POLR2B: variants seen among roughly 807,000 people sequenced by gnomAD.
POLR2B encodes the protein DNA-directed RNA polymerase II subunit RPB2.
Under a neutral mutation model 144.6 loss-of-function variants are expected in POLR2B, and 57 were observed. The ratio of observed to expected loss-of-function variants is 0.39; its 90% CI spans 0.32 to 0.49. POLR2B has a LOEUF of 0.49. Among genes scored for constraint, POLR2B ranks in the 20% least tolerant of loss-of-function variants. POLR2B has a pLI of 0.83. For synonymous variants in POLR2B, 442 were observed against 469.8 expected (o/e 0.94, Z 0.77); for missense variants, 595 against 1,467.4 (o/e 0.41, Z 9.71).
intron 23 of POLR2B, among the ~76,000 whole-genome samples, chr4:57,028,087 A>G (rs1723783092): frequency 6.6e-6 from 1 of 152,202 alleles, no homozygotes; most frequent in South Asian, 2.1e-4. Flanking sequence ...TCTGCCAAAT[A>G]TCTACAACAT....
intron 24 of POLR2B, 134 bp downstream of exon 24, chr4:57,030,533 G>A: frequency 1.6e-6 from 1 of 622,628 alleles, no homozygotes; most frequent in Non-Finnish European, 2.7e-6. Flanking sequence ...GTGAGATTCC[G>A]AGTTCTAAAT....
At chr4:57,022,316 A>T in intron 18 of POLR2B, 70 bp downstream of exon 18, 1 of 956,260 alleles carries the variant, frequency 1.0e-6, no homozygotes, top group East Asian at 2.5e-5. Flanking sequence ...AGTGATTTTG[A>T]TGGGTTGTGT....
At position 57,023,235 on chromosome 4, in the gene POLR2B, C is replaced by G. The variant is rs186378558; in HGVS notation, c.2516-95C>G. 117 of 1,159,656 alleles carry G rather than the reference C, an allele frequency of 1.0e-4. No homozygotes were observed. The highest frequency in any genetic ancestry group is 7.0e-4 in the Admixed American group (37 of 52,536). 71.8% of individuals were successfully genotyped at this position (1,159,656 alleles called of 1,614,324 possible). A position where few individuals can be genotyped will look rare whatever the true frequency, so the allele number is the denominator to read the frequency against. ...GGGTGTGATTCATGGTATAGAGACT[C>G]CTGTGGCCTTCTCTCTGACTTGGAA... On this transcript the variant is annotated intron_variant, in intron 18 of 24. Transcript: ENST00000314595. The surrounding 1 kb of genome is among the most constrained non-coding windows in gnomAD (Gnocchi z 4.3).
chr4:56,990,710 A>G (rs1553909454), intron 2 of POLR2B, 38 bp from the exon 3 acceptor site: 1 of 1,538,314 alleles, frequency 6.5e-7, no homozygotes, highest in Admixed American at 2.0e-5. Flanking sequence ...AGAAATTATC[A>G]CTGAGTTGCA....
rs761993344 is a variant in POLR2B at position 57,005,223 on chromosome 4, CTT to C, written c.901-20_901-19del. 55 of 1,410,434 alleles carry C rather than the reference CTT, an allele frequency of 3.9e-5. 2 individuals carry two copies. The South Asian group carries it at 7.3e-4, about 19-fold the overall frequency. The allele number at this position is 1,410,434 out of a possible 1,614,324, so 87.4% of individuals were successfully genotyped here. On this transcript the variant is annotated intron_variant, in intron 7 of 24. Transcript: ENST00000314595. ...GGTAGCAACATGAATTTGAAAATAA[CTT>C]TTATTTAAATTGTCTGATAGGTTAA...
intron 16 of POLR2B, 91 bp from the exon 17 acceptor site, chr4:57,020,808 A>G (rs1208770178): frequency 1.3e-6 from 1 of 795,356 alleles, no homozygotes; most frequent in East Asian, 2.4e-5. Context: ...CATTTATGGC[A>G]AATATGATGT....
chr4:56,995,158 T>G, intron 5 of POLR2B, 93 bp from the exon 6 acceptor site: 1 of 876,218 alleles, frequency 1.1e-6, no homozygotes, highest in Non-Finnish European at 1.7e-6. Flanking sequence ...TGAGCCTATA[T>G]GGTCAGATTA....
In POLR2B at chr4:57,023,232, A is replaced by G. The variant is rs762352021; in HGVS notation, c.2516-98A>G. The G allele has an allele frequency of 3.4e-5, 38 of 1,107,352 alleles. No homozygotes were observed. The highest frequency in any genetic ancestry group is 4.7e-5 in the Non-Finnish European group (35 of 751,618). 68.6% of individuals were successfully genotyped at this position (1,107,352 alleles called of 1,614,324 possible). A position where few individuals can be genotyped will look rare whatever the true frequency, so the allele number is the denominator to read the frequency against. The stretch of plus-strand genomic sequence containing the variant: ...TAAGGGTGTGATTCATGGTATAGAG[A>G]CTCCTGTGGCCTTCTCTCTGACTTG... On this transcript the variant is annotated intron_variant, in intron 18 of 24. Transcript: ENST00000314595. The surrounding 1 kb of genome is among the most constrained non-coding windows in gnomAD (Gnocchi z 4.3).
intron 1 of POLR2B, among the ~76,000 whole-genome samples, chr4:56,980,655 C>T (rs972644620): frequency 6.6e-6 from 1 of 152,120 alleles, no homozygotes; most frequent in Admixed American, 6.6e-5. Flanking sequence ...GGGAAGTTGA[C>T]ACTGCTATGA....
chr4:56,995,674 G>C lies in POLR2B; in HGVS notation c.735+265G>C, dbSNP rs114358472. Among the ~76,000 whole-genome samples, 506 of 152,310 alleles carry C rather than the reference G, an allele frequency of 3.3e-3. 3 individuals are homozygous for C. Among genetic ancestry groups the C allele is most frequent in the African/African-American group, 0.012 (480 of 41,554 alleles). ...AGGCTGCAATCAGATGTTTCCCTGGGCTGCCGTAATCTCAAGAGTCATTCC... is the reference window on the plus strand; with the variant it reads ...AGGCTGCAATCAGATGTTTCCCTGGCCTGCCGTAATCTCAAGAGTCATTCC... On this transcript the variant is annotated intron_variant, in intron 6 of 24. Coordinates refer to ENST00000314595, the MANE Select transcript of POLR2B (RefSeq NM_000938.3).
intron 1 of POLR2B, among the ~76,000 whole-genome samples, chr4:56,979,781 C>G (rs1722096875): frequency 2.0e-5 from 3 of 152,000 alleles, no homozygotes; most frequent in Non-Finnish European, 2.9e-5. Flanking sequence ...CGCCTGTAAT[C>G]CCAGCTACTC....
At chr4:56,986,652 TTC>T (rs1209877057) in intron 2 of POLR2B, 6 of 337,822 alleles carry the variant, frequency 1.8e-5, no homozygotes, top group Non-Finnish European at 3.2e-5. Flanking sequence ...CTTTGTCTTT[TTC>T]TCTTTTTGTA....
chr4:56,987,671 A>G (rs1722374217), intron 2 of POLR2B, among the ~76,000 whole-genome samples: 1 of 152,188 alleles, frequency 6.6e-6, no homozygotes, highest in Non-Finnish European at 1.5e-5. Flanking sequence ...ACTTGAGGTC[A>G]GGAGTTGGAG....
intron 23 of POLR2B, among the ~76,000 whole-genome samples, chr4:57,025,782 A>T (rs1723697590): frequency 6.6e-6 from 1 of 152,226 alleles, no homozygotes; most frequent in African/African-American, 2.4e-5. Flanking sequence ...GCATGCCCAC[A>T]GCTCCCTGCA....
intron 13 of POLR2B, among the ~76,000 whole-genome samples, chr4:57,014,771 G>A (rs1017835726): frequency 4.0e-5 from 6 of 151,650 alleles, no homozygotes; most frequent in East Asian, 1.9e-4. Context: ...CCCAGAGTGC[G>A]GGATTACAGG....
chr4:57,030,462 C>A, intron 24 of POLR2B, 63 bp downstream of exon 24: 1 of 1,256,014 alleles, frequency 8.0e-7, no homozygotes, highest in Non-Finnish European at 1.1e-6. Context: ...GTCTGATTAT[C>A]CAGGCAGAAT....
chr4:57,024,831 T>C, intron 21 of POLR2B, 55 bp from the exon 22 acceptor site: 1 of 861,006 alleles, frequency 1.2e-6, no homozygotes, highest in Non-Finnish European at 1.9e-6. Flanking sequence ...TGATATGACT[T>C]TTAGGGGGAG....
At chr4:57,018,155 T>G (rs1024141953) in intron 16 of POLR2B, among the ~76,000 whole-genome samples, 1 of 152,108 alleles carries the variant, frequency 6.6e-6, no homozygotes, top group Non-Finnish European at 1.5e-5. Flanking sequence ...GGTCTCAGTG[T>G]GGAGAGAGCT....
intron 14 of POLR2B, among the ~76,000 whole-genome samples, chr4:57,016,595 T>G (rs7692807): frequency 0.011 from 1,692 of 150,832 alleles, 21 homozygotes; most frequent in African/African-American, 0.039. Context: ...TAATCTAAAT[T>G]ATTACATATA....
Sources: gnomAD v4.1 joint callset for allele counts (sites outside exome capture counted in the v4.1 genomes callset) on GRCh38, gnomAD v4.1.1 for gene constraint, Gnocchi (gnomAD v3.1) non-coding constraint, MANE v1.5 for transcripts, NCBI Gene and HGNC (gene_info 2026-07-23, HGNC 2026-07-21) for gene names.